Variants in DHX40 observed in about 807,000 individuals in gnomAD.
The protein encoded by DHX40 is probable ATP-dependent RNA helicase DHX40.
DHX40 carries 28 observed loss-of-function variants against 89.6 expected under a neutral mutation model. That is an observed-to-expected ratio of 0.31 (90% CI 0.23 to 0.43). The LOEUF is 0.43. DHX40 is among the 20% of genes least tolerant of loss of function. The probability of loss-of-function intolerance (pLI) is 1.00; values close to 1 mark genes in which losing one functional copy is unlikely to be tolerated. For missense variants in DHX40, 457 were observed against 844.0 expected (o/e 0.54, Z 5.68); for synonymous variants, 226 against 283.6 (o/e 0.80, Z 2.04).
chr17:59,567,956 C>T (rs575455654), intron 2 of DHX40, among the ~76,000 whole-genome samples: 1 of 144,674 alleles, frequency 6.9e-6, no homozygotes, highest in East Asian at 2.1e-4. Flanking sequence ...TTTTTTAGGC[C>T]GGGCGCAGTG....
At chr17:59,606,375 T>G (rs1408328070) in intron 17 of DHX40, among the ~76,000 whole-genome samples, 1 of 152,216 alleles carries the variant, frequency 6.6e-6, no homozygotes, top group Non-Finnish European at 1.5e-5. Context: ...TATTGTATTT[T>G]CTTTATTTGA....
chr17:59,569,224 C>T (rs915552954), intron 2 of DHX40, among the ~76,000 whole-genome samples: 5 of 151,788 alleles, frequency 3.3e-5, no homozygotes, highest in South Asian at 2.1e-4. Flanking sequence ...GTTACTCAGG[C>T]GGCTGAGGCA....
chr17:59,587,219 A>T (rs1567878526), intron 11 of DHX40, among the ~76,000 whole-genome samples: 1 of 150,568 alleles, frequency 6.6e-6, no homozygotes, highest in Non-Finnish European at 1.5e-5. Context: ...CTTCAAAGAC[A>T]TCTTCTTTTT....
intron 17 of DHX40, 137 bp downstream of exon 17, chr17:59,605,811 A>T (rs1472036738): frequency 2.3e-6 from 2 of 869,270 alleles, no homozygotes; most frequent in African/African-American, 3.3e-5. Context: ...AAATAAAAAT[A>T]AAAATTAGCC....
At chr17:59,595,250 A>G (rs4968386) in intron 12 of DHX40, among the ~76,000 whole-genome samples, 54,605 of 147,320 alleles carry the variant, frequency 0.37, 12,026 homozygotes, top group African/African-American at 0.65. Context: ...TGCCCAGCTA[A>G]TTTTGTATTT....
At chr17:59,570,122 ATATT>A (rs1314574971) in intron 2 of DHX40, among the ~76,000 whole-genome samples, 7 of 130,942 alleles carry the variant, frequency 5.3e-5, no homozygotes, top group African/African-American at 8.9e-5. Flanking sequence ...ATTATAATGT[ATATT>A]TATATATAAT....
intron 2 of DHX40, 79 bp from the exon 3 acceptor site, chr17:59,570,439 G>C (rs1388104227): frequency 1.4e-6 from 2 of 1,446,286 alleles, no homozygotes; most frequent in Non-Finnish European, 1.8e-6. Context: ...GTTTTGTGTT[G>C]ATTGGCCAAA....
At chr17:59,594,926 C>T (rs2029926552) in intron 12 of DHX40, among the ~76,000 whole-genome samples, 1 of 151,884 alleles carries the variant, frequency 6.6e-6, no homozygotes, top group South Asian at 2.1e-4. Flanking sequence ...TCTCCAGAGA[C>T]TTTGAATGAT....
rs955857888 is a variant in DHX40, at chr17:59,607,943, C to T, written c.*771C>T. 3.3e-5 allele frequency: 5 copies of T among 153,708 alleles called. No individual in the cohort carries two copies. The highest frequency in any genetic ancestry group is 4.4e-5 in the Non-Finnish European group (3 of 68,078). The allele number at this position is 153,708 out of a possible 1,614,324, so 9.5% of individuals were successfully genotyped here. On this transcript the variant is annotated 3_prime_UTR_variant, in exon 18 of 18. Coordinates refer to ENST00000251241, the MANE Select transcript of DHX40 (RefSeq NM_024612.5). The stretch of plus-strand genomic sequence containing the variant: ...TTTAGCTGTACCTACGTACTTATAT[C>T]AGCACCATGTATGTAGGTGTGATAG...
At chr17:59,567,233 A>G (rs118037487) in intron 2 of DHX40, among the ~76,000 whole-genome samples, 3 of 152,356 alleles carry the variant, frequency 2.0e-5, no homozygotes, top group Non-Finnish European at 4.4e-5. Flanking sequence ...AATTACCTTT[A>G]AAATACGTTA....
At chr17:59,580,814 G>A (rs200261951) in intron 10 of DHX40, among the ~76,000 whole-genome samples, 13,023 of 150,590 alleles carry the variant, frequency 0.086, 1,355 homozygotes, top group East Asian at 0.46. Context: ...GGGCGTGGTG[G>A]CTCACGTCTG....
intron 2 of DHX40, 39 bp downstream of exon 2, chr17:59,566,833 A>G: frequency 1.3e-6 from 2 of 1,527,212 alleles, no homozygotes; most frequent in Non-Finnish European, 1.8e-6. Flanking sequence ...AATATTTTAA[A>G]AATATCCTCT....
intron 3 of DHX40, among the ~76,000 whole-genome samples, chr17:59,571,438 CAA>C (rs1361224512): frequency 3.7e-4 from 44 of 120,180 alleles, no homozygotes; most frequent in African/African-American, 1.3e-3. Context: ...GCCTGGGCAA[CAA>C]GAGCAAAACT....
chr17:59,571,485 T>C (rs2048808082), intron 3 of DHX40, among the ~76,000 whole-genome samples: 1 of 151,280 alleles, frequency 6.6e-6, no homozygotes, highest in Admixed American at 6.6e-5. Flanking sequence ...GTGTTCACAA[T>C]GTTGGGTAAC....
chr17:59,592,020 T>C (rs2049090908), intron 12 of DHX40, among the ~76,000 whole-genome samples: 1 of 151,578 alleles, frequency 6.6e-6, no homozygotes, highest in African/African-American at 2.4e-5. Context: ...ATGCATATGC[T>C]ACCATGCCTG....
chr17:59,603,628 A>G (rs2030669733), intron 15 of DHX40: 1 of 152,196 alleles, frequency 6.6e-6, no homozygotes, highest in South Asian at 2.1e-4. Context: ...TAAAATGTGA[A>G]ATCGTGTCTA....
At chr17:59,606,202 G>T (rs1415684274) in intron 17 of DHX40, among the ~76,000 whole-genome samples, 2 of 151,450 alleles carry the variant, frequency 1.3e-5, no homozygotes, top group East Asian at 2.0e-4. Flanking sequence ...GCACCACCAC[G>T]CCTGGCTAAG....
At chr17:59,566,520 C>T (rs184687100) in intron 1 of DHX40, 107 bp from the exon 2 acceptor site, 16 of 1,098,982 alleles carry the variant, frequency 1.5e-5, no homozygotes, top group Non-Finnish European at 2.0e-5. Context: ...CATGGATGAT[C>T]CCGTCCAGCC....
At chr17:59,577,913 C>A (rs2048907685) in intron 8 of DHX40, among the ~76,000 whole-genome samples, 1 of 152,162 alleles carries the variant, frequency 6.6e-6, no homozygotes, top group Non-Finnish European at 1.5e-5. Flanking sequence ...TTCTACCTTG[C>A]AGCCTCACTC....
Sources: gnomAD v4.1 joint callset for allele counts (sites outside exome capture counted in the v4.1 genomes callset) on GRCh38, gnomAD v4.1.1 for gene constraint, MANE v1.5 for transcripts, NCBI Gene and HGNC (gene_info 2026-07-23, HGNC 2026-07-21) for gene names.